Variants in XYLT1 observed in about 807,000 individuals in gnomAD.
XYLT1 encodes beta-D-xylosyltransferase 1.
XYLT1 carries 36 observed loss-of-function variants against 91.3 expected under a neutral mutation model. The observed-to-expected ratio is 0.39, with a 90% CI of 0.30 to 0.52. XYLT1 has a LOEUF of 0.52. Among genes scored for constraint, XYLT1 ranks in the 20% least tolerant of loss-of-function variants. The pLI is 0.68. For synonymous variants in XYLT1, 588 were observed against 532.0 expected (o/e 1.11, Z -1.45); for missense variants, 1,242 against 1,284.5 (o/e 0.97, Z 0.51).
intron 2 of XYLT1, chr16:17,355,490 T>C (rs533987437): frequency 1.3e-5 from 2 of 152,200 alleles, no homozygotes; most frequent in East Asian, 3.9e-4. Flanking sequence ...GTCCCTGGGG[T>C]AGACTGGGTA....
At position 17,365,876 on chromosome 16, in the gene XYLT1, T is replaced by C. The variant is rs552844833; in HGVS notation, c.364-7826A>G. Among the ~76,000 whole-genome samples, 13 of 152,270 alleles carry C rather than the reference T, an allele frequency of 8.5e-5. No homozygotes were observed. In the South Asian group the frequency reaches 2.5e-3, roughly 29 times the overall value. ...TGGTTATCAAAAATCTAAACTCCTG[T>C]ATTTAATACTTTGTTCTGTGTGTGC... On this transcript the variant is annotated intron_variant, in intron 1 of 11. Transcript: ENST00000261381.
At chr16:17,288,200 A>AT (rs1476271590) in intron 2 of XYLT1, among the ~76,000 whole-genome samples, 1 of 151,680 alleles carries the variant, frequency 6.6e-6, no homozygotes, top group African/African-American at 2.4e-5. Context: ...AACTGCTGGG[A>AT]TTACAGGTGT....
intron 1 of XYLT1, among the ~76,000 whole-genome samples, chr16:17,382,244 C>T (rs1239139049): frequency 6.6e-6 from 1 of 151,826 alleles, no homozygotes; most frequent in African/African-American, 2.4e-5. Flanking sequence ...CACTGCACAT[C>T]ATCACAGGTA....
At chr16:17,218,009 C>T (rs1018208099) in intron 3 of XYLT1, among the ~76,000 whole-genome samples, 2 of 151,722 alleles carry the variant, frequency 1.3e-5, no homozygotes, top group African/African-American at 4.8e-5. Context: ...GCGGTTCACG[C>T]CTGTAATCCC....
At chr16:17,288,046 C>G (rs1292891618) in intron 2 of XYLT1, among the ~76,000 whole-genome samples, 4 of 151,470 alleles carry the variant, frequency 2.6e-5, no homozygotes, top group Non-Finnish European at 5.9e-5. Context: ...TCTCCCACCT[C>G]AGCCTCCCGA....
chr16:17,182,999 C>T (rs573631291), intron 5 of XYLT1, among the ~76,000 whole-genome samples: 1 of 152,212 alleles, frequency 6.6e-6, no homozygotes, highest in Non-Finnish European at 1.5e-5. Context: ...TTGGCTTTGG[C>T]AGCCACATCG....
intron 1 of XYLT1, among the ~76,000 whole-genome samples, chr16:17,372,019 GC>G (rs1567397575): frequency 6.6e-6 from 1 of 152,138 alleles, no homozygotes; most frequent in African/African-American, 2.4e-5. Flanking sequence ...GTTCTAAGTT[GC>G]CCCATTCTTG....
Position 17,470,666 on chromosome 16 carries a change from T to C in XYLT1, c.131A>G (p.Glu44Gly). Residue 44 changes from glutamate (E) to glycine (G), a missense_variant, in exon 1 of 12, where the codon GAG becomes GGG. Coordinates refer to ENST00000261381, the MANE Select transcript of XYLT1 (RefSeq NM_022166.4). ...GCCGACCGCTGCGCCCCCGCGGCGC[T>C]CCCCGGCCCCGGAGTCGAGGCTGCT... ...NFSSLDSGAG[E>G]RRGGAAVGGG... 1 of 1,135,582 alleles carries C rather than the reference T, an allele frequency of 8.8e-7. No homozygotes were observed. The allele number at this position is 1,135,582 out of a possible 1,614,324, so 70.3% of individuals were successfully genotyped here. A position where few individuals can be genotyped will look rare whatever the true frequency, so the allele number is the denominator to read the frequency against.
intron 2 of XYLT1, among the ~76,000 whole-genome samples, chr16:17,266,468 T>C (rs1487696590): frequency 6.6e-6 from 1 of 152,236 alleles, no homozygotes; most frequent in Non-Finnish European, 1.5e-5. Flanking sequence ...TTTTTCAGAT[T>C]GGAACATTAA....
At chr16:17,470,396 TC>T in intron 1 of XYLT1, 37 bp downstream of exon 1, 1 of 1,218,646 alleles carries the variant, frequency 8.2e-7, no homozygotes, top group Non-Finnish European at 1.0e-6. Context: ...CCTTCCTCCC[TC>T]CCTCGCCGCG....
chr16:17,240,430 T>C (rs1002491333), intron 3 of XYLT1, among the ~76,000 whole-genome samples: 1 of 152,140 alleles, frequency 6.6e-6, no homozygotes, highest in Non-Finnish European at 1.5e-5. Context: ...AGATGCAGAA[T>C]GAAGATTCAC....
At chr16:17,387,048 A>T (rs2035756235) in intron 1 of XYLT1, among the ~76,000 whole-genome samples, 1 of 152,156 alleles carries the variant, frequency 6.6e-6, no homozygotes, top group Non-Finnish European at 1.5e-5. Context: ...GCCCCAAGAG[A>T]CACCTTTGAG....
chr16:17,420,755 A>C (rs534823596), intron 1 of XYLT1, among the ~76,000 whole-genome samples: 1 of 152,248 alleles, frequency 6.6e-6, no homozygotes, highest in East Asian at 1.9e-4. Flanking sequence ...ATTACACCAT[A>C]TTTTTAAAGG....
At chr16:17,347,709 C>A (rs2035162778) in intron 2 of XYLT1, among the ~76,000 whole-genome samples, 1 of 152,226 alleles carries the variant, frequency 6.6e-6, no homozygotes, top group South Asian at 2.1e-4. Context: ...CATGGCAAGT[C>A]CCATTGGCAG....
At chr16:17,237,349 A>G (rs1390769196) in intron 3 of XYLT1, among the ~76,000 whole-genome samples, 2 of 152,058 alleles carry the variant, frequency 1.3e-5, no homozygotes, top group South Asian at 2.1e-4. Flanking sequence ...TTCCAAATGG[A>G]CTTTTCTCAC....
At chr16:17,157,941 G>A (rs1281584960) in intron 6 of XYLT1, among the ~76,000 whole-genome samples, 1 of 152,156 alleles carries the variant, frequency 6.6e-6, no homozygotes, top group South Asian at 2.1e-4. Context: ...TAGAGACAGG[G>A]TTTTACCATG....
chr16:17,344,971 G>A (rs2035124248), intron 2 of XYLT1, among the ~76,000 whole-genome samples: 1 of 152,124 alleles, frequency 6.6e-6, no homozygotes, highest in Non-Finnish European at 1.5e-5. Context: ...AAAGTTCTAG[G>A]ATTATACATA....
chr16:17,396,516 T>C (rs2035888850), intron 1 of XYLT1, among the ~76,000 whole-genome samples: 1 of 152,166 alleles, frequency 6.6e-6, no homozygotes, highest in Non-Finnish European at 1.5e-5. Context: ...GTGTTTATTC[T>C]TAGTTGTGGT....
intron 7 of XYLT1, 88 bp from the exon 8 acceptor site, chr16:17,138,619 G>A: frequency 1.3e-6 from 2 of 1,482,888 alleles, no homozygotes; most frequent in Admixed American, 1.8e-5. Context: ...CTTGCTCTGA[G>A]TTCATGTAAG....
Sources: allele counts gnomAD v4.1 joint callset (sites outside exome capture counted in the v4.1 genomes callset), GRCh38; gene constraint gnomAD v4.1.1; transcripts MANE v1.5; gene names NCBI Gene and HGNC (gene_info 2026-07-23, HGNC 2026-07-21).